The following CRY1 variants were observed in gnomAD, a reference collection of about 807,000 sequenced individuals.
CRY1 encodes cryptochrome-1.
Under a neutral mutation model 76.0 loss-of-function variants are expected in CRY1, and 45 were observed. The ratio of observed to expected loss-of-function variants is 0.59; its 90% CI spans 0.47 to 0.76. The LOEUF is 0.76. Among genes scored for constraint, CRY1 ranks in the 30% least tolerant of loss-of-function variants. The pLI is 0.00. For synonymous variants in CRY1, 248 were observed against 244.0 expected (o/e 1.02, Z -0.15); for missense variants, 587 against 716.4 (o/e 0.82, Z 2.06).
At chr12:107,092,587 C>T in intron 1 of CRY1, among the ~76,000 whole-genome samples, 1 of 152,192 alleles carries the variant, frequency 6.6e-6, no homozygotes. Context: ...AGACACATAA[C>T]TCACTGATGA....
At chr12:107,084,431 A>G (rs1485364016) in intron 1 of CRY1, among the ~76,000 whole-genome samples, 1 of 152,212 alleles carries the variant, frequency 6.6e-6, no homozygotes, top group African/African-American at 2.4e-5. Context: ...ACTTCAAACT[A>G]TACTACAAGG....
chr12:107,013,633 A>G (rs1267919077), intron 2 of CRY1, among the ~76,000 whole-genome samples: 1 of 152,190 alleles, frequency 6.6e-6, no homozygotes, highest in Non-Finnish European at 1.5e-5. Flanking sequence ...AACAATGACA[A>G]GGAATAAAAC....
At chr12:106,997,742 T>C (rs764166720) in intron 8 of CRY1, 52 bp from the exon 9 acceptor site, 2 of 1,597,068 alleles carry the variant, frequency 1.3e-6, no homozygotes, top group African/African-American at 1.3e-5. Flanking sequence ...AAGCAAACTA[T>C]AACTACTAGC....
intron 1 of CRY1, among the ~76,000 whole-genome samples, chr12:107,050,821 A>T (rs1952909618): frequency 6.6e-6 from 1 of 152,294 alleles, no homozygotes; most frequent in East Asian, 1.9e-4. Context: ...AACCAGTCTT[A>T]GAAAGGACAA....
At chr12:107,009,577 T>A (rs868228332) in intron 2 of CRY1, among the ~76,000 whole-genome samples, 9 of 30,644 alleles carry the variant, frequency 2.9e-4, no homozygotes, top group Admixed American at 1.8e-3. Flanking sequence ...TATATATATA[T>A]ATATATATAT....
rs1952182109 is a variant in CRY1, at chr12:106,991,713, T to C, written c.*289A>G. ...CAGAATATCAATTTGTCATTTTAAC[T>C]TTACCATACATGAAAAATTATCAAA... On this transcript the variant is annotated 3_prime_UTR_variant, in exon 13 of 13. Coordinates refer to ENST00000008527, the MANE Select transcript of CRY1 (RefSeq NM_004075.5). The C allele has an allele frequency of 1.3e-5, 2 of 152,614 alleles. No individual in the cohort carries two copies. The highest frequency in any genetic ancestry group is 4.1e-4 in the South Asian group (2 of 4,832). 9.5% of individuals were successfully genotyped at this position (152,614 alleles called of 1,614,324 possible).
intron 1 of CRY1, among the ~76,000 whole-genome samples, chr12:107,061,118 T>G (rs1953041337): frequency 6.6e-6 from 1 of 152,186 alleles, no homozygotes. Context: ...CTATAACAAC[T>G]ATTTAACATA....
intron 2 of CRY1, among the ~76,000 whole-genome samples, chr12:107,009,197 C>T (rs1258036838): frequency 6.6e-6 from 1 of 151,932 alleles, no homozygotes; most frequent in South Asian, 2.1e-4. Flanking sequence ...TAATGCTCAA[C>T]CAACTTTGTA....
chr12:107,081,123 A>G (rs1036761661), intron 1 of CRY1, among the ~76,000 whole-genome samples: 3 of 152,138 alleles, frequency 2.0e-5, no homozygotes, highest in Non-Finnish European at 2.9e-5. Context: ...AGAAGGAAGA[A>G]CTAGTAAGGA....
At chr12:107,083,515 T>C (rs1324011231) in intron 1 of CRY1, among the ~76,000 whole-genome samples, 1 of 152,204 alleles carries the variant, frequency 6.6e-6, no homozygotes, top group Non-Finnish European at 1.5e-5. Context: ...GCTTCATCCC[T>C]GGGATGTAAG....
Position 106,991,517 on chromosome 12 carries a change from A to C in CRY1, c.*485T>G, listed in dbSNP as rs919322834. 1 of 152,662 alleles carries C rather than the reference A, an allele frequency of 6.6e-6. No individual in the cohort carries two copies. Among genetic ancestry groups the C allele is most frequent in the African/African-American group, 2.4e-5 (1 of 41,472 alleles). 9.5% of individuals were successfully genotyped at this position (152,662 alleles called of 1,614,324 possible). ...AAACATATACTGTCTGTGTTAACAG[A>C]GGCTACAATACCAATTTGGATTACG... On this transcript the variant is annotated 3_prime_UTR_variant, in exon 13 of 13. Coordinates refer to ENST00000008527, the MANE Select transcript of CRY1 (RefSeq NM_004075.5).
chr12:107,087,426 A>C (rs1953416456), intron 1 of CRY1, among the ~76,000 whole-genome samples: 2 of 152,250 alleles, frequency 1.3e-5, no homozygotes, highest in South Asian at 4.1e-4. Flanking sequence ...AGGCTTCAAG[A>C]GCCCACCTCT....
intron 5 of CRY1, among the ~76,000 whole-genome samples, chr12:107,000,445 G>A (rs542090765): frequency 1.3e-5 from 2 of 151,848 alleles, no homozygotes; most frequent in Non-Finnish European, 2.9e-5. Context: ...TCCAGCTCCC[G>A]GGTGGAGGAT....
At chr12:107,046,644 C>T (rs114847657) in intron 1 of CRY1, among the ~76,000 whole-genome samples, 2,393 of 152,154 alleles carry the variant, frequency 0.016, 62 homozygotes, top group African/African-American at 0.053. Context: ...CAACAAGAAA[C>T]TTAATTCACC....
intron 1 of CRY1, among the ~76,000 whole-genome samples, chr12:107,046,013 G>C (rs1952844960): frequency 6.6e-6 from 1 of 151,964 alleles, no homozygotes; most frequent in African/African-American, 2.4e-5. Context: ...TGTAGTCCCA[G>C]CTATTCAGGA....
chr12:106,999,306 G>C (rs1952273486), intron 7 of CRY1, among the ~76,000 whole-genome samples: 1 of 152,060 alleles, frequency 6.6e-6, no homozygotes, highest in Non-Finnish European at 1.5e-5. Context: ...AGTTCTCTTA[G>C]TGGCTAGGCT....
chr12:107,086,677 G>T (rs11837089), intron 1 of CRY1, among the ~76,000 whole-genome samples: 1 of 152,254 alleles, frequency 6.6e-6, no homozygotes, highest in African/African-American at 2.4e-5. Context: ...TTTCCAAGTG[G>T]TGTTAAGTCT....
intron 1 of CRY1, among the ~76,000 whole-genome samples, chr12:107,089,362 G>A (rs1461585569): frequency 5.3e-5 from 4 of 75,244 alleles, no homozygotes; most frequent in African/African-American, 2.1e-4. Flanking sequence ...AAGAGATAGG[G>A]TCTCTCTGTG....
rs941461953 is a variant in CRY1, at chr12:107,093,162, G to A, written c.-201C>T. 1 of 586,838 alleles carries A rather than the reference G, an allele frequency of 1.7e-6. No homozygotes were observed. Among genetic ancestry groups the A allele is most frequent in the Non-Finnish European group, 2.8e-6 (1 of 361,290 alleles). The allele number at this position is 586,838 out of a possible 1,614,324, so 36.4% of individuals were successfully genotyped here. On this transcript the variant is annotated 5_prime_UTR_variant, in exon 1 of 13. Coordinates refer to ENST00000008527, the MANE Select transcript of CRY1 (RefSeq NM_004075.5). ...AGGCGCAGTGGAAAGATGAATGGAG[G>A]TTGCCTAGTCGGCGGAGTCCGGGTG...
Sources: allele counts gnomAD v4.1 joint callset (sites outside exome capture counted in the v4.1 genomes callset), GRCh38; gene constraint gnomAD v4.1.1; transcripts MANE v1.5; gene names NCBI Gene and HGNC (gene_info 2026-07-23, HGNC 2026-07-21).